The following CNGA3 variants were observed in gnomAD, a reference collection of about 807,000 sequenced individuals.
The protein encoded by CNGA3 is cyclic nucleotide-gated channel alpha-3.
CNGA3 carries 42 observed loss-of-function variants against 46.6 expected under a neutral mutation model. That is an observed-to-expected ratio of 0.90 (90% CI 0.70 to 1.17). The LOEUF (loss-of-function observed/expected upper bound fraction) is 1.17, where lower values mean the gene tolerates loss of function less well. Among genes scored for constraint, CNGA3 ranks in the 50% most tolerant of loss-of-function variants. The probability of loss-of-function intolerance (pLI) is 0.00; values close to 1 mark genes in which losing one functional copy is unlikely to be tolerated. For missense variants in CNGA3, 893 were observed against 890.7 expected, an observed-to-expected ratio of 1.00 and a Z score of -0.03; for synonymous variants, 394 against 369.4, an observed-to-expected ratio of 1.07 and a Z score of -0.76.
chr2:98,395,735 T>C (rs1303191979), intron 7 of CNGA3, 109 bp from the exon 8 acceptor site: 1 of 830,786 alleles, frequency 1.2e-6, no homozygotes, highest in Non-Finnish European at 2.1e-6. Flanking sequence ...TTCTATTATA[T>C]ATGTATCACT....
At chr2:98,372,691 A>G (rs947906951) in intron 2 of CNGA3, among the ~76,000 whole-genome samples, 2 of 152,144 alleles carry the variant, frequency 1.3e-5, no homozygotes, top group Non-Finnish European at 2.9e-5. Context: ...TGGTGAGGTT[A>G]CTGCAGATGT....
chr2:98,373,479 G>A (rs1375407167), intron 2 of CNGA3, among the ~76,000 whole-genome samples: 1 of 152,152 alleles, frequency 6.6e-6, no homozygotes, highest in Non-Finnish European at 1.5e-5. Context: ...CCCCCAAGAG[G>A]AAGGCATAGC....
intron 5 of CNGA3, among the ~76,000 whole-genome samples, chr2:98,386,337 C>T (rs1042808816): frequency 2.0e-5 from 3 of 152,210 alleles, no homozygotes; most frequent in African/African-American, 7.2e-5. Flanking sequence ...TGAATTGTAG[C>T]TCCTCTAATT....
intron 4 of CNGA3, among the ~76,000 whole-genome samples, 183 bp from the exon 5 acceptor site, chr2:98,383,205 G>C (rs1234022183): frequency 6.6e-6 from 1 of 152,186 alleles, no homozygotes; most frequent in East Asian, 1.9e-4. Flanking sequence ...TTTACCCGAG[G>C]TAACTAATCA....
intron 2 of CNGA3, among the ~76,000 whole-genome samples, chr2:98,373,995 G>T (rs936776316): frequency 6.6e-6 from 1 of 152,152 alleles, no homozygotes; most frequent in Non-Finnish European, 1.5e-5. Flanking sequence ...CACCACATGT[G>T]GCCAATAGCA....
intron 1 of CNGA3, among the ~76,000 whole-genome samples, chr2:98,361,852 C>T (rs1408803561): frequency 8.6e-5 from 13 of 151,842 alleles, no homozygotes; most frequent in East Asian, 1.9e-4. Context: ...GGACTACAGG[C>T]GCCCGCCACC....
chr2:98,379,908 G>T (rs1692498498), intron 3 of CNGA3: 2 of 551,100 alleles, frequency 3.6e-6, no homozygotes, highest in South Asian at 4.0e-5. Context: ...AGGACAAATG[G>T]TAATAAAGAG....
intron 2 of CNGA3, 82 bp downstream of exon 2, chr2:98,370,158 T>C (rs1692253789): frequency 1.7e-6 from 2 of 1,184,324 alleles, no homozygotes; most frequent in East Asian, 5.0e-5. Flanking sequence ...GGGGGAAGAA[T>C]GCCTTCACGT....
rs2104249574 is a variant in CNGA3 at position 98,396,825 on chromosome 2, T to C, written c.1655T>C (p.Ile552Thr). ...SDGSYFGEISILNIKGSKSGN... is the reference protein window; with the variant it reads ...SDGSYFGEISTLNIKGSKSGN... Reference sequence around the variant, plus strand: ...GGCAGCTACTTCGGGGAGATCAGCATTCTGAACATCAAGGGGAGCAAGTCG... The same window carrying C: ...GGCAGCTACTTCGGGGAGATCAGCACTCTGAACATCAAGGGGAGCAAGTCG... The change falls in exon 8 of 8, where the codon ATT (isoleucine) becomes ACT (threonine). Residue 552 changes from isoleucine to threonine, a missense_variant. Transcript: ENST00000272602. The C allele has an allele frequency of 1.2e-6, 2 of 1,614,074 alleles. No homozygotes were observed. Among genetic ancestry groups the C allele is most frequent in the African/African-American group, 1.3e-5 (1 of 75,020 alleles).
chr2:98,367,225 C>G (rs1267377102), intron 1 of CNGA3, among the ~76,000 whole-genome samples: 1 of 140,972 alleles, frequency 7.1e-6, no homozygotes, highest in Admixed American at 7.6e-5. Context: ...CTCACTGTGT[C>G]CCCCAGGCTG....
intron 5 of CNGA3, among the ~76,000 whole-genome samples, chr2:98,384,433 A>T (rs745996464): frequency 3.3e-5 from 5 of 152,158 alleles, no homozygotes; most frequent in Non-Finnish European, 7.4e-5. Flanking sequence ...CGATTTCTTG[A>T]CTTCCAACAG....
chr2:98,392,731 T>C (rs1692822542), intron 7 of CNGA3, among the ~76,000 whole-genome samples: 1 of 152,148 alleles, frequency 6.6e-6, no homozygotes, highest in Admixed American at 6.5e-5. Flanking sequence ...AGTCAGCAGA[T>C]ACAGGACATG....
chr2:98,350,062 T>G (rs1300090579), intron 1 of CNGA3, among the ~76,000 whole-genome samples: 2 of 152,246 alleles, frequency 1.3e-5, no homozygotes, highest in African/African-American at 4.8e-5. Context: ...GTGCTTCTTT[T>G]GTCCTCCTTT....
intron 3 of CNGA3, among the ~76,000 whole-genome samples, chr2:98,379,322 C>T (rs550556192): frequency 5.9e-5 from 9 of 152,368 alleles, no homozygotes; most frequent in South Asian, 4.1e-4. Flanking sequence ...GACTCTGGCT[C>T]GGGACACCCC....
rs373173433 is a variant in CNGA3 at position 98,390,358 on chromosome 2, A to G, written c.566+584A>G. On this transcript the variant is annotated intron_variant, in intron 6 of 7. Coordinates refer to ENST00000272602, the MANE Select transcript of CNGA3 (RefSeq NM_001298.3). Reference sequence around the variant, plus strand: ...GAGACAGTGTTTCACCATATTGGCTAGGCTGGTCTTGAACTCCTCACCTCA... The same window carrying G: ...GAGACAGTGTTTCACCATATTGGCTGGGCTGGTCTTGAACTCCTCACCTCA... Among the ~76,000 whole-genome samples the G allele has an allele frequency of 3.4e-4, 52 of 151,826 alleles. No homozygotes were observed. In the South Asian group the frequency reaches 0.011, roughly 32 times the overall value.
At chr2:98,386,948 A>G (rs1477595856) in intron 5 of CNGA3, among the ~76,000 whole-genome samples, 2 of 152,196 alleles carry the variant, frequency 1.3e-5, no homozygotes, top group East Asian at 3.8e-4. Context: ...AGCCCTGTCA[A>G]CACCTTGATT....
chr2:98,396,846 A>G lies in CNGA3; in HGVS notation c.1676A>G (p.Lys559Arg). 2 of 1,614,154 alleles carry G rather than the reference A, an allele frequency of 1.2e-6. No individual in the cohort carries two copies. The highest frequency in any genetic ancestry group is 1.1e-5 in the South Asian group (1 of 91,084). The stretch of plus-strand genomic sequence containing the variant: ...AGCATTCTGAACATCAAGGGGAGCA[A>G]GTCGGGGAACCGCAGGACGGCCAAC... Reference protein sequence around the residue: ...EISILNIKGSKSGNRRTANIR... With the variant: ...EISILNIKGSRSGNRRTANIR... The change falls in exon 8 of 8, where the codon AAG becomes AGG. Residue 559 changes from lysine to arginine, a missense_variant. Physicochemically the swap from Lys to Arg is conservative, Grantham distance 26. This residue lies in a region of CNGA3 where 548 missense variants were observed against 570.8 expected (regional missense o/e 0.96). Coordinates refer to ENST00000272602, the MANE Select transcript of CNGA3 (RefSeq NM_001298.3).
intron 1 of CNGA3, among the ~76,000 whole-genome samples, chr2:98,364,333 G>T (rs1192791269): frequency 6.6e-6 from 1 of 152,064 alleles, no homozygotes; most frequent in Admixed American, 6.6e-5. Flanking sequence ...ACCCGAGATT[G>T]CACCACTGCA....
At chr2:98,388,507 G>GC (rs1176685490) in intron 5 of CNGA3, among the ~76,000 whole-genome samples, 2 of 152,216 alleles carry the variant, frequency 1.3e-5, no homozygotes, top group African/African-American at 2.4e-5. Flanking sequence ...CCAGCAGGCT[G>GC]CAGACCATGC....
Sources: gnomAD v4.1 joint callset for allele counts (sites outside exome capture counted in the v4.1 genomes callset) on GRCh38, gnomAD v4.1.1 for gene constraint, gnomAD v4.1.1 regional missense constraint, MANE v1.5 for transcripts, NCBI Gene and HGNC (gene_info 2026-07-23, HGNC 2026-07-21) for gene names.